The following GNG10 variants were observed in gnomAD, a reference collection of about 807,000 sequenced individuals.
GNG10 encodes the protein guanine nucleotide-binding protein G(I)/G(S)/G(O) subunit gamma-10.
GNG10 carries 7 observed loss-of-function variants against 6.8 expected under a neutral mutation model. The ratio of observed to expected loss-of-function variants is 1.02; its 90% confidence interval spans 0.58 to 1.92. The LOEUF is 1.92. Among genes scored for constraint, GNG10 ranks in the 30% most tolerant of loss-of-function variants. The probability of loss-of-function intolerance (pLI) is 0.00; values close to 1 mark genes in which losing one functional copy is unlikely to be tolerated. For missense variants in GNG10, 57 were observed against 86.1 expected, an observed-to-expected ratio of 0.66 and a Z score of 1.34; for synonymous variants, 28 against 34.8, an observed-to-expected ratio of 0.80 and a Z score of 0.69.
rs1420990573 is a variant in GNG10 at position 111,669,257 on chromosome 9, C to G, written c.*7-12C>G. On this transcript the variant is annotated splice_polypyrimidine_tract_variant and intron_variant, in intron 2 of 2. Transcript: ENST00000374293. ...CTTACTAAAGTGAAAACCAAACAAA[C>G]TCTTTTTCCAGTAGGAGAGAAGTTT... 4 of 152,204 alleles carry G rather than the reference C, an allele frequency of 2.6e-5. No homozygotes were observed. The highest frequency in any genetic ancestry group is 9.7e-5 in the African/African-American group (4 of 41,448). 9.4% of individuals were successfully genotyped at this position (152,204 alleles called of 1,614,324 possible). A position where few individuals can be genotyped will look rare whatever the true frequency, so the allele number is the denominator to read the frequency against.
chr9:111,667,090 G>A, intron 2 of GNG10, 144 bp downstream of exon 2: 1 of 1,366,294 alleles, frequency 7.3e-7, no homozygotes, highest in South Asian at 1.5e-5. Flanking sequence ...TTTCCCTGAA[G>A]TGTGATTCTA....
chr9:111,662,244 C>T (rs1303565886), intron 1 of GNG10, among the ~76,000 whole-genome samples: 1 of 152,030 alleles, frequency 6.6e-6, no homozygotes, highest in Non-Finnish European at 1.5e-5. Flanking sequence ...GGGGAGTCAT[C>T]CGGGAGGTAT....
At chr9:111,662,936 T>G (rs757180057) in intron 1 of GNG10, among the ~76,000 whole-genome samples, 2 of 151,956 alleles carry the variant, frequency 1.3e-5, no homozygotes, top group Non-Finnish European at 2.9e-5. Flanking sequence ...AGCCATGTTT[T>G]AGGGTTGAGA....
In GNG10 at chr9:111,668,858, T is replaced by C. The variant is rs139968720; in HGVS notation, c.*7-411T>C. 8.6e-5 allele frequency among the ~76,000 whole-genome samples: 13 copies of C among 151,920 alleles called. No homozygotes were observed. In the East Asian group the frequency reaches 2.5e-3, roughly 30 times the overall value. ...TGTCTTTTGTATTCACCTGTTACTT[T>C]CATTTTTTTTTTGTTTGAGACGGAG... is the stretch of plus-strand genomic sequence containing the variant. On this transcript the variant is annotated intron_variant, in intron 2 of 2. Coordinates refer to ENST00000374293, the MANE Select transcript of GNG10 (RefSeq NM_001017998.4).
At chr9:111,666,718 G>T in intron 1 of GNG10, 97 bp from the exon 2 acceptor site, 1 of 1,451,042 alleles carries the variant, frequency 6.9e-7, no homozygotes, top group South Asian at 1.5e-5. Context: ...ACAAAAAGTT[G>T]ATATTTACCA....
intron 2 of GNG10, among the ~76,000 whole-genome samples, chr9:111,667,840 T>C (rs1830928850): frequency 6.6e-6 from 1 of 152,178 alleles, no homozygotes; most frequent in East Asian, 1.9e-4. Context: ...TGCTTTGTAT[T>C]GGGGTCATTT....
Position 111,661,829 on chromosome 9 carries a change from C to G in GNG10, c.81+114C>G. ...GGACTCGGTGGCGGCGGCGAGGCCT[C>G]GGCGGGGCGCGGGGGCGGTGGGGTC... On this transcript the variant is annotated intron_variant, in intron 1 of 2. Transcript: ENST00000374293. This position sits in a 1 kb window ranked among gnomAD's most constrained non-coding sequence, Gnocchi z 6.1. 2.2e-6 allele frequency: 1 copy of G among 450,236 alleles called. No individual in the cohort carries two copies. Among genetic ancestry groups the G allele is most frequent in the East Asian group, 7.9e-5 (1 of 12,698 alleles). The allele number at this position is 450,236 out of a possible 1,614,324, so 27.9% of individuals were successfully genotyped here.
At chr9:111,663,175 G>A (rs2131279104) in intron 1 of GNG10, among the ~76,000 whole-genome samples, 1 of 152,296 alleles carries the variant, frequency 6.6e-6, no homozygotes, top group Non-Finnish European at 1.5e-5. Flanking sequence ...TAAGGCAGAG[G>A]AAAGGGGACT....
chr9:111,663,991 CTT>C (rs568835533), intron 1 of GNG10, among the ~76,000 whole-genome samples: 16 of 135,862 alleles, frequency 1.2e-4, no homozygotes, highest in Admixed American at 1.5e-4. Flanking sequence ...CACTAATTGG[CTT>C]TTTTTTTTTT....
chr9:111,668,419 C>T (rs1426552501), intron 2 of GNG10, among the ~76,000 whole-genome samples: 1 of 142,826 alleles, frequency 7.0e-6, no homozygotes, highest in Non-Finnish European at 1.5e-5. Context: ...TTTTACAAAG[C>T]TTCCTTCTTC....
chr9:111,665,159 A>G lies in GNG10; in HGVS notation c.82-1656A>G, dbSNP rs1436706359. 2.0e-5 allele frequency among the ~76,000 whole-genome samples: 3 copies of G among 152,316 alleles called. No individual in the cohort carries two copies. The South Asian group carries it at 6.2e-4, about 32-fold the overall frequency. ...TGGAAAATTAACACAAACTAGTAGT[A>G]ATACCTGAACAGCAATTGGAACCAT... On this transcript the variant is annotated intron_variant, in intron 1 of 2. Coordinates refer to ENST00000374293, the MANE Select transcript of GNG10 (RefSeq NM_001017998.4).
chr9:111,666,027 G>A (rs186530900), intron 1 of GNG10, among the ~76,000 whole-genome samples: 2 of 151,172 alleles, frequency 1.3e-5, no homozygotes, highest in East Asian at 2.0e-4. Context: ...GAGCCACTGC[G>A]CCCAGCCACA....
rs1326848951 is a variant in GNG10 at position 111,666,980 on chromosome 9, A to G, written c.*6+34A>G. The stretch of plus-strand genomic sequence containing the variant: ...TGATACACCATGATGTCTTGGGCCC[A>G]TAGCATTATCACAGGGCTTCCCAAA... On this transcript the variant is annotated intron_variant, in intron 2 of 2. Transcript: ENST00000374293. 4 of 1,608,428 alleles carry G rather than the reference A, an allele frequency of 2.5e-6. No homozygotes were observed. In the African/African-American group the frequency reaches 4.0e-5, roughly 16 times the overall value.
chr9:111,668,926 AG>A (rs1830955731), intron 2 of GNG10, among the ~76,000 whole-genome samples: 1 of 151,488 alleles, frequency 6.6e-6, no homozygotes, highest in Non-Finnish European at 1.5e-5. Context: ...GTGCGATCTC[AG>A]CTCACCACAA....
At chr9:111,667,084 C>G (rs758831983) in intron 2 of GNG10, 138 bp downstream of exon 2, 2 of 1,386,994 alleles carry the variant, frequency 1.4e-6, no homozygotes, top group East Asian at 4.9e-5. Flanking sequence ...CACAACTTTC[C>G]CTGAAGTGTG....
In GNG10 at chr9:111,661,756, C is replaced by CG; in HGVS notation, c.81+45dup. The CG allele has an allele frequency of 8.3e-7, 1 of 1,211,294 alleles. No individual in the cohort carries two copies. 75.0% of individuals were successfully genotyped at this position (1,211,294 alleles called of 1,614,324 possible). ...ACCCACGCTCCGGTCCTTCCGCCCGCGGGGCGTGAGAAGAGGAGGCCGGCG... is the reference window on the plus strand; with the variant it reads ...ACCCACGCTCCGGTCCTTCCGCCCGCGGGGGCGTGAGAAGAGGAGGCCGGCG... On this transcript the variant is annotated intron_variant, in intron 1 of 2. Transcript: ENST00000374293. This position sits in a 1 kb window ranked among gnomAD's most constrained non-coding sequence, Gnocchi z 6.1.
At chr9:111,668,026 T>C (rs979149622) in intron 2 of GNG10, among the ~76,000 whole-genome samples, 7 of 152,072 alleles carry the variant, frequency 4.6e-5, no homozygotes, top group Non-Finnish European at 8.8e-5. Context: ...CCACCTAATT[T>C]TTTTGTATTT....
chr9:111,666,766 G>A, intron 1 of GNG10, 49 bp from the exon 2 acceptor site: 1 of 1,586,324 alleles, frequency 6.3e-7, no homozygotes, highest in Non-Finnish European at 8.6e-7. Flanking sequence ...TTGACTGCCG[G>A]GTGGCTTGGC....
rs1042741898 is a variant in GNG10 at position 111,669,644 on chromosome 9, T to G, written c.*382T>G. ...TTTACATTTTAGGAAGGAAAATAGTTTTGTTTATTTAAACAACTGAATACT... is the reference window on the plus strand; with the variant it reads ...TTTACATTTTAGGAAGGAAAATAGTGTTGTTTATTTAAACAACTGAATACT... On this transcript the variant is annotated 3_prime_UTR_variant, in exon 3 of 3. Coordinates refer to ENST00000374293, the MANE Select transcript of GNG10 (RefSeq NM_001017998.4). 2.2e-5 allele frequency: 3 copies of G among 133,496 alleles called. No homozygotes were observed. Among genetic ancestry groups the G allele is most frequent in the Non-Finnish European group, 4.7e-5 (3 of 64,400 alleles). The allele number at this position is 133,496 out of a possible 1,614,324, so 8.3% of individuals were successfully genotyped here.
Sources: gnomAD v4.1 joint callset for allele counts (sites outside exome capture counted in the v4.1 genomes callset) on GRCh38, gnomAD v4.1.1 for gene constraint, Gnocchi (gnomAD v3.1) non-coding constraint, MANE v1.5 for transcripts, NCBI Gene and HGNC (gene_info 2026-07-23, HGNC 2026-07-21) for gene names.